The following LDLRAP1 variants were observed in gnomAD, a reference collection of about 807,000 sequenced individuals.
LDLRAP1 encodes the protein low density lipoprotein receptor adapter protein 1.
A neutral mutation model predicts 37.8 loss-of-function variants in LDLRAP1; 30 were observed. The ratio of observed to expected loss-of-function variants is 0.79; its 90% CI spans 0.59 to 1.08. The LOEUF (loss-of-function observed/expected upper bound fraction) is 1.08. Ranked by LOEUF, LDLRAP1 falls within the 50% of genes least tolerant of loss-of-function variation. The pLI is 0.00. For missense variants in LDLRAP1, 375 were observed against 401.6 expected, an observed-to-expected ratio of 0.93 and a Z score of 0.57; for synonymous variants, 156 against 169.8, an observed-to-expected ratio of 0.92 and a Z score of 0.63.
At chr1:25,579,099 G>A in the LDLRAP1 span, among the ~76,000 whole-genome samples, 228 of 152,246 alleles carry the variant, frequency 1.5e-3, 1 homozygote, top group African/African-American at 5.1e-3. Flanking sequence ...AGCGCTTGTC[G>A]ATTTCCTAGT....
At chr1:25,585,098 T>G in the LDLRAP1 span, among the ~76,000 whole-genome samples, 2 of 152,090 alleles carry the variant, frequency 1.3e-5, no homozygotes, top group Admixed American at 6.5e-5. Context: ...GTGTTGAGAC[T>G]GAGGGCAGAG....
At chr1:25,563,044 C>T in intron 5 of LDLRAP1, 26 bp from the exon 6 acceptor site, 1 of 1,609,868 alleles carries the variant, frequency 6.2e-7, no homozygotes, top group Non-Finnish European at 8.5e-7. Flanking sequence ...TCTGAGGCTC[C>T]AACATGTTGT....
At chr1:25,565,285 T>C in intron 8 of LDLRAP1, 78 bp downstream of exon 8, 1 of 1,506,308 alleles carries the variant, frequency 6.6e-7, no homozygotes, top group South Asian at 1.1e-5. Flanking sequence ...CTGGGGACCT[T>C]TCCCCTGATT....
At chr1:25,563,638 C>G in intron 6 of LDLRAP1, 23 bp from the exon 7 acceptor site, 1 of 1,612,760 alleles carries the variant, frequency 6.2e-7, no homozygotes, top group Non-Finnish European at 8.5e-7. Context: ...CTCCCACTGA[C>G]AACCTGACCG....
Position 25,563,577 on chromosome 1 carries a change from G to A in LDLRAP1, c.617-84G>A, listed in dbSNP as rs1279981880. ...CTGGGCAAGGCCACATCAGAGGGGA[G>A]GGTCAGGGCCAGGACAGCCCAGGGA... On this transcript the variant is annotated intron_variant, in intron 6 of 8. Coordinates refer to ENST00000374338, the MANE Select transcript of LDLRAP1 (RefSeq NM_015627.3). 3.2e-6 allele frequency: 5 copies of A among 1,578,302 alleles called. No individual in the cohort carries two copies. In the African/African-American group the frequency reaches 6.7e-5, roughly 21 times the overall value.
chr1:25,586,506 G>C, the LDLRAP1 span, among the ~76,000 whole-genome samples: 1 of 152,020 alleles, frequency 6.6e-6, no homozygotes, highest in Non-Finnish European at 1.5e-5. The surrounding 1 kb of genome is among the most constrained non-coding windows in gnomAD (Gnocchi z 4.3). Flanking sequence ...GTGTGTGCAT[G>C]CACATGTGTG....
intron 4 of LDLRAP1, among the ~76,000 whole-genome samples, chr1:25,558,915 C>G (rs1387764691): frequency 6.6e-6 from 1 of 152,174 alleles, no homozygotes. Flanking sequence ...GACAGTCTAG[C>G]GGTCTCCTGG....
rs1285774539 is a variant in LDLRAP1 at position 25,544,223 on chromosome 1, A to G, written c.88+437A>G. Reference sequence around the variant, plus strand: ...CGTCCCGCACCCCTGCGCCCCAGCCAGCAGCTGCGGCGGTCAGGAGCCCAC... The same window carrying G: ...CGTCCCGCACCCCTGCGCCCCAGCCGGCAGCTGCGGCGGTCAGGAGCCCAC... On this transcript the variant is annotated intron_variant, in intron 1 of 8. Transcript: ENST00000374338. The surrounding 1 kb of genome is among the most constrained non-coding windows in gnomAD (Gnocchi z 4.8). 6.6e-6 allele frequency among the ~76,000 whole-genome samples: 1 copy of G among 152,042 alleles called. No individual in the cohort carries two copies. The highest frequency in any genetic ancestry group is 1.5e-5 in the Non-Finnish European group (1 of 67,948).
At chr1:25,547,944 T>G (rs978604945) in intron 1 of LDLRAP1, among the ~76,000 whole-genome samples, 1 of 152,158 alleles carries the variant, frequency 6.6e-6, no homozygotes, top group African/African-American at 2.4e-5. Flanking sequence ...GGGGGCTGTG[T>G]GAGGGGCATG....
At chr1:25,557,112 C>G (rs930626865) in intron 3 of LDLRAP1, 41 bp from the exon 4 acceptor site, 7 of 1,467,202 alleles carry the variant, frequency 4.8e-6, no homozygotes, top group Non-Finnish European at 6.7e-6. Context: ...GTGCTCAGGC[C>G]CCTGTGCCAG....
At chr1:25,563,951 A>G (rs1223457395) in intron 7 of LDLRAP1, 160 bp downstream of exon 7, 3 of 876,286 alleles carry the variant, frequency 3.4e-6, no homozygotes, top group Non-Finnish European at 5.5e-6. Context: ...GGGGATGAAC[A>G]ATGTCCCTTT....
chr1:25,567,078 C>A lies in LDLRAP1; in HGVS notation c.*86C>A. 6.7e-7 allele frequency: 1 copy of A among 1,501,950 alleles called. No individual in the cohort carries two copies. Among genetic ancestry groups the A allele is most frequent in the African/African-American group, 1.4e-5 (1 of 72,948 alleles). 93.0% of individuals were successfully genotyped at this position (1,501,950 alleles called of 1,614,324 possible). A position where few individuals can be genotyped will look rare whatever the true frequency, so the allele number is the denominator to read the frequency against. On this transcript the variant is annotated 3_prime_UTR_variant, in exon 9 of 9. Coordinates refer to ENST00000374338, the MANE Select transcript of LDLRAP1 (RefSeq NM_015627.3). Reference sequence around the variant, plus strand: ...GCGGGGGAGCCAGTTCTGGGGCCCGCCTGCCACCTCTCCCAGCCCTCAGCA... The same window carrying A: ...GCGGGGGAGCCAGTTCTGGGGCCCGACTGCCACCTCTCCCAGCCCTCAGCA...
chr1:25,583,428 A>G, the LDLRAP1 span, among the ~76,000 whole-genome samples: 3 of 152,056 alleles, frequency 2.0e-5, no homozygotes, highest in African/African-American at 4.8e-5. Flanking sequence ...TCTGACCTCA[A>G]GTGATCTGCC....
At chr1:25,578,973 AT>A in the LDLRAP1 span, among the ~76,000 whole-genome samples, 1 of 152,006 alleles carries the variant, frequency 6.6e-6, no homozygotes, top group Admixed American at 6.6e-5. Context: ...GGCTTCTTAA[AT>A]TTGTTACTTT....
chr1:25,551,527 C>T (rs925241645), intron 1 of LDLRAP1, among the ~76,000 whole-genome samples: 3 of 152,252 alleles, frequency 2.0e-5, no homozygotes, highest in Middle Eastern at 3.4e-3. Flanking sequence ...ATTATTGTTG[C>T]ATCTTTGTTA....
intron 1 of LDLRAP1, 38 bp from the exon 2 acceptor site, chr1:25,553,884 A>C: frequency 6.2e-7 from 1 of 1,609,698 alleles, no homozygotes; most frequent in Non-Finnish European, 8.5e-7. Context: ...GTGGGCCCTG[A>C]GCCGCAGGGT....
At chr1:25,587,145 GTTTAT>G in the LDLRAP1 span, among the ~76,000 whole-genome samples, 115 of 152,006 alleles carry the variant, frequency 7.6e-4, no homozygotes, top group African/African-American at 2.7e-3. Flanking sequence ...CTTCTATTTT[GTTTAT>G]TTTATTTTAT....
chr1:25,579,715 G>A, the LDLRAP1 span, among the ~76,000 whole-genome samples: 1 of 152,210 alleles, frequency 6.6e-6, no homozygotes, highest in Non-Finnish European at 1.5e-5. Context: ...TGTCGACTCA[G>A]ACCCTCGAAG....
In LDLRAP1 at chr1:25,563,701, T is replaced by C. The variant is rs2044405838; in HGVS notation, c.657T>C (p.Ala219=). The C allele has an allele frequency of 6.2e-7, 1 of 1,613,900 alleles. No homozygotes were observed. The highest frequency in any genetic ancestry group is 1.3e-5 in the African/African-American group (1 of 75,048). The change falls in exon 7 of 9, where the codon GCT becomes GCC. Residue 219 remains alanine (A), a synonymous_variant. Coordinates refer to ENST00000374338, the MANE Select transcript of LDLRAP1 (RefSeq NM_015627.3). ...ACCTGCTGGACTTAGAGGAGACAGC[T>C]AAGGCCCCGCTGTCCACGGTCAGCG... ...TGNLLDLEET[A]KAPLSTVSAN...
Sources: gnomAD v4.1 joint callset for allele counts (sites outside exome capture counted in the v4.1 genomes callset) on GRCh38, gnomAD v4.1.1 for gene constraint, Gnocchi (gnomAD v3.1) non-coding constraint, MANE v1.5 for transcripts, NCBI Gene and HGNC (gene_info 2026-07-23, HGNC 2026-07-21) for gene names.